EPHX3: variants seen among roughly 807,000 people sequenced by gnomAD.
EPHX3 encodes the protein abhydrolase domain containing 9.
A neutral mutation model predicts 40.2 loss-of-function variants in EPHX3; 39 were observed. That is an observed-to-expected ratio of 0.97 (90% CI 0.75 to 1.27). EPHX3 has a LOEUF of 1.27. Ranked by LOEUF, EPHX3 falls within the 50% of genes most tolerant of loss-of-function variation. The pLI is 0.00. For missense variants in EPHX3, 442 were observed against 474.0 expected, an observed-to-expected ratio of 0.93 and a Z score of 0.63; for synonymous variants, 213 against 209.7, an observed-to-expected ratio of 1.02 and a Z score of -0.14.
Position 15,227,375 on chromosome 19 carries a change from A to T in EPHX3, c.*62T>A. On this transcript the variant is annotated 3_prime_UTR_variant, in exon 7 of 7. Coordinates refer to ENST00000221730, the MANE Select transcript of EPHX3 (RefSeq NM_024794.3). ...ATTGTATGGACTCCCAGGCACACACAGATAATGGGTGTGTGTTCCTTCCTG... is the reference window on the plus strand; with the variant it reads ...ATTGTATGGACTCCCAGGCACACACTGATAATGGGTGTGTGTTCCTTCCTG... 7.4e-7 allele frequency: 1 copy of T among 1,355,874 alleles called. No homozygotes were observed. The highest frequency in any genetic ancestry group is 1.1e-6 in the Non-Finnish European group (1 of 948,830). The allele number at this position is 1,355,874 out of a possible 1,614,324, so 84.0% of individuals were successfully genotyped here.
chr19:15,235,337 ATT>A (rs757165430), upstream of EPHX3, among the ~76,000 whole-genome samples: 32 of 151,838 alleles, frequency 2.1e-4, no homozygotes, highest in Non-Finnish European at 3.7e-4. Flanking sequence ...CATTAAATCA[ATT>A]ATCTCACAAT....
chr19:15,233,930 G>C (rs2047172798), upstream of EPHX3, among the ~76,000 whole-genome samples: 1 of 152,126 alleles, frequency 6.6e-6, no homozygotes, highest in Non-Finnish European at 1.5e-5. Flanking sequence ...CGTGGTGGCG[G>C]GCGCCTGTAG....
At chr19:15,229,830 T>A (rs1227282804) in intron 4 of EPHX3, among the ~76,000 whole-genome samples, 1 of 125,908 alleles carries the variant, frequency 7.9e-6, no homozygotes, top group Non-Finnish European at 1.6e-5. Flanking sequence ...GAGGTTGCAG[T>A]GAACTGAGAT....
Position 15,232,442 on chromosome 19 carries a change from C to G in EPHX3, c.-231G>C. The G allele has an allele frequency of 7.4e-7, 1 of 1,346,464 alleles. No homozygotes were observed. Among genetic ancestry groups the G allele is most frequent in the Non-Finnish European group, 9.5e-7 (1 of 1,056,378 alleles). The allele number at this position is 1,346,464 out of a possible 1,614,324, so 83.4% of individuals were successfully genotyped here. A position where few individuals can be genotyped will look rare whatever the true frequency, so the allele number is the denominator to read the frequency against. ...ACCTGGGCGCGACAGGGACAGGAAA[C>G]AAGGGTAGGGTGCGGAGGCTGGGGA... On this transcript the variant is annotated 5_prime_UTR_variant, in exon 1 of 7. Coordinates refer to ENST00000221730, the MANE Select transcript of EPHX3 (RefSeq NM_024794.3).
chr19:15,235,194 G>GC (rs1195489855), upstream of EPHX3, among the ~76,000 whole-genome samples: 3 of 151,944 alleles, frequency 2.0e-5, no homozygotes, highest in Non-Finnish European at 4.4e-5. Flanking sequence ...AGTAGAGATG[G>GC]GAGTTTCACC....
At chr19:15,230,833 A>T in intron 4 of EPHX3, 129 bp downstream of exon 4, 2 of 1,283,316 alleles carry the variant, frequency 1.6e-6, no homozygotes, top group Non-Finnish European at 2.2e-6. Context: ...AACCGAAGGG[A>T]CCTGGGTTGA....
At chr19:15,232,696 G>A (rs1019889075), upstream of EPHX3, among the ~76,000 whole-genome samples, 10 of 152,074 alleles carry the variant, frequency 6.6e-5, no homozygotes, top group Admixed American at 6.5e-4. Flanking sequence ...GGGCAACGTG[G>A]TGAAACCCCG....
upstream of EPHX3, chr19:15,236,524 G>A (rs2047193203): frequency 6.7e-6 from 1 of 150,154 alleles, no homozygotes. Flanking sequence ...TGGAGTAGGG[G>A]GGACAGGATG....
intron 1 of EPHX3, 49 bp downstream of exon 1, chr19:15,231,920 C>T (rs1367912634): frequency 6.2e-7 from 1 of 1,612,834 alleles, no homozygotes; most frequent in African/African-American, 1.3e-5. Flanking sequence ...CTTGAACCGT[C>T]TCGACCCCAC....
At chr19:15,231,114 A>C (rs762915627) in intron 3 of EPHX3, 24 bp from the exon 4 acceptor site, 38 of 1,613,774 alleles carry the variant, frequency 2.4e-5, no homozygotes, top group Non-Finnish European at 3.1e-5. Flanking sequence ...AGGAGCTCGC[A>C]TAAGTGAGGT....
At chr19:15,236,184 A>G (rs949109823), upstream of EPHX3, 1 of 152,226 alleles carries the variant, frequency 6.6e-6, no homozygotes, top group African/African-American at 2.4e-5. Context: ...AAACAGTGCT[A>G]GAAATGTTTC....
Position 15,232,007 on chromosome 19 carries a change from C to CG in EPHX3, c.204dup (p.Asp69ArgfsTer6), listed in dbSNP as rs1302828408. 3.7e-6 allele frequency: 6 copies of CG among 1,606,172 alleles called. No individual in the cohort carries two copies. The highest frequency in any genetic ancestry group is 5.1e-6 in the Non-Finnish European group (6 of 1,179,126). ...AAACCGTGCTCACCCAGCGAGGGGT[C>CG]GCTCAGGCAGGCGGGGGACGCGCTC... On this transcript the variant is annotated frameshift_variant, in exon 1 of 7. Transcript: ENST00000221730. LOFTEE classifies it high-confidence loss of function.
At position 15,228,083 on chromosome 19, in the gene EPHX3, T is replaced by G. The variant is rs1408607831; in HGVS notation, c.634A>C (p.Ile212Leu). 1 of 1,351,694 alleles carries G rather than the reference T, an allele frequency of 7.4e-7. No individual in the cohort carries two copies. Among genetic ancestry groups the G allele is most frequent in the South Asian group, 1.2e-5 (1 of 86,754 alleles). 83.7% of individuals were successfully genotyped at this position (1,351,694 alleles called of 1,614,324 possible). A position where few individuals can be genotyped will look rare whatever the true frequency, so the allele number is the denominator to read the frequency against. The change falls in exon 5 of 7, where the codon ATC becomes CTC. Residue 212 changes from isoleucine (I) to leucine (L), a missense_variant. Transcript: ENST00000221730. ...SVYQDYSLHHISQFFRSHYMF... is the reference protein window; with the variant it reads ...SVYQDYSLHHLSQFFRSHYMF... ...TAGTGGGAACGGAAGAACTGGCTGATGTGGTGCAGGGAATAGTCTGGGGTG... is the reference window on the plus strand; with the variant it reads ...TAGTGGGAACGGAAGAACTGGCTGAGGTGGTGCAGGGAATAGTCTGGGGTG...
chr19:15,228,101 C>G lies in EPHX3; in HGVS notation c.617-1G>C, dbSNP rs1280039576. On this transcript the variant is annotated splice_acceptor_variant, in intron 4 of 6. Coordinates refer to ENST00000221730, the MANE Select transcript of EPHX3 (RefSeq NM_024794.3). LOFTEE classifies it high-confidence loss of function. The stretch of plus-strand genomic sequence containing the variant: ...TGGCTGATGTGGTGCAGGGAATAGT[C>G]TGGGGTGGGAGGGTTGGGGGAGAGA... 3 of 506,394 alleles carry G rather than the reference C, an allele frequency of 5.9e-6. No homozygotes were observed. Among genetic ancestry groups the G allele is most frequent in the East Asian group, 5.8e-5 (1 of 17,120 alleles). The allele number at this position is 506,394 out of a possible 1,614,324, so 31.4% of individuals were successfully genotyped here.
In EPHX3 at chr19:15,231,322, C is replaced by T; in HGVS notation, c.404G>A (p.Gly135Asp). Residue 135 changes from glycine to aspartate, a missense_variant, in exon 3 of 7, where the codon GGC becomes GAC. Transcript: ENST00000221730. Reference protein sequence around the residue: ...HVVAVDLRGYGPSDAPRDVDC... With the variant: ...HVVAVDLRGYDPSDAPRDVDC... ...CACATCCCGAGGTGCATCCGAGGGGCCATAGCCTCGCAAGTCCACAGCCAC... is the reference window on the plus strand; with the variant it reads ...CACATCCCGAGGTGCATCCGAGGGGTCATAGCCTCGCAAGTCCACAGCCAC... 6.2e-7 allele frequency: 1 copy of T among 1,613,906 alleles called. No homozygotes were observed. Among genetic ancestry groups the T allele is most frequent in the Non-Finnish European group, 8.5e-7 (1 of 1,180,004 alleles).
chr19:15,235,479 CAA>C, upstream of EPHX3: 1 of 150,154 alleles, frequency 6.7e-6, no homozygotes, highest in South Asian at 2.1e-4. Context: ...CCGCTTCTCC[CAA>C]GTCTACCCTC....
upstream of EPHX3, among the ~76,000 whole-genome samples, chr19:15,234,760 T>C (rs749285521): frequency 2.7e-4 from 41 of 152,288 alleles, no homozygotes; most frequent in Admixed American, 2.2e-3. Flanking sequence ...CCATATACCT[T>C]TGTACTGTCA....
chr19:15,227,361 T>C lies in EPHX3; in HGVS notation c.*76A>G, dbSNP rs2047119208. The C allele has an allele frequency of 1.6e-6, 2 of 1,229,298 alleles. No individual in the cohort carries two copies. Among genetic ancestry groups the C allele is most frequent in the South Asian group, 1.2e-5 (1 of 80,402 alleles). The allele number at this position is 1,229,298 out of a possible 1,614,324, so 76.1% of individuals were successfully genotyped here. ...ACCCATGTATGGACATTGTATGGAC[T>C]CCCAGGCACACACAGATAATGGGTG... On this transcript the variant is annotated 3_prime_UTR_variant, in exon 7 of 7. Coordinates refer to ENST00000221730, the MANE Select transcript of EPHX3 (RefSeq NM_024794.3).
chr19:15,233,766 G>T (rs144156382), upstream of EPHX3, among the ~76,000 whole-genome samples: 1 of 152,200 alleles, frequency 6.6e-6, no homozygotes, highest in African/African-American at 2.4e-5. Context: ...TGCTGTCCCT[G>T]CAAGAAGCCA....
Sources: gnomAD v4.1 joint callset for allele counts (sites outside exome capture counted in the v4.1 genomes callset) on GRCh38, gnomAD v4.1.1 for gene constraint, MANE v1.5 for transcripts, NCBI Gene and HGNC (gene_info 2026-07-23, HGNC 2026-07-21) for gene names.